CSAD: variants seen among roughly 807,000 people sequenced by gnomAD.
CSAD encodes the protein cysteine sulfinic acid decarboxylase, also known as P-selectin cytoplasmic tail-associated protein.
In CSAD, 47 loss-of-function variants were observed where a neutral mutation model predicts 61.5. That is an observed-to-expected ratio of 0.76 (90% CI 0.60 to 0.97). CSAD has a LOEUF of 0.97. Among genes scored for constraint, CSAD ranks in the 50% least tolerant of loss-of-function variants. The pLI is 0.00. For missense variants in CSAD, 611 were observed against 643.6 expected (o/e 0.95, Z 0.55); for synonymous variants, 245 against 252.7 (o/e 0.97, Z 0.29).
rs758691279 is a variant in CSAD, at chr12:53,158,576, CAG to C, written c.1415_1416del (p.Ser472CysfsTer6). 1.2e-6 allele frequency: 2 copies of C among 1,613,288 alleles called. No homozygotes were observed. The highest frequency in any genetic ancestry group is 1.7e-5 in the Admixed American group (1 of 59,940). On this transcript the variant is annotated frameshift_variant, in exon 17 of 17. Coordinates refer to ENST00000444623, the MANE Select transcript of CSAD (RefSeq NM_001244705.2). LOFTEE classifies it high-confidence loss of function. ...AAGTCCATATCAGCACAGGTCAGTGCAGAGTTGGCCACAACCACACGGAAGAA... is the reference window on the plus strand; with the variant it reads ...AAGTCCATATCAGCACAGGTCAGTGCAGTTGGCCACAACCACACGGAAGAA... ...GNFFRVVVAN[S>X]ALTCADMDFL...
intron 10 of CSAD, among the ~76,000 whole-genome samples, chr12:53,166,507 A>C (rs1939961962): frequency 6.6e-6 from 1 of 152,102 alleles, no homozygotes; most frequent in Non-Finnish European, 1.5e-5. Context: ...TATAAAATGA[A>C]AAGAGTTCTG....
At chr12:53,159,295 C>A (rs1938954555) in intron 16 of CSAD, among the ~76,000 whole-genome samples, 1 of 152,170 alleles carries the variant, frequency 6.6e-6, no homozygotes, top group South Asian at 2.1e-4. Context: ...TTGCTGTGTC[C>A]CTAGCACGGG....
rs200010721 is a variant in CSAD, at chr12:53,171,849, G to C, written c.451+33C>G. The C allele has an allele frequency of 7.8e-6, 11 of 1,405,798 alleles. No individual in the cohort carries two copies. The East Asian group carries it at 2.5e-4, about 32-fold the overall frequency. 87.1% of individuals were successfully genotyped at this position (1,405,798 alleles called of 1,614,324 possible). On this transcript the variant is annotated intron_variant, in intron 7 of 16. Coordinates refer to ENST00000444623, the MANE Select transcript of CSAD (RefSeq NM_001244705.2). ...GTGGGGGAGGAGGAACTCATAAAAA[G>C]GGCAAAGAAAGGTCCTCCTCCTTCT...
chr12:53,172,939 A>G (rs1372957743), intron 4 of CSAD, among the ~76,000 whole-genome samples: 3 of 152,158 alleles, frequency 2.0e-5, no homozygotes, highest in African/African-American at 4.8e-5. Context: ...CAGGCGTGGT[A>G]GCTCACGCCT....
rs145080724 is a variant in CSAD at position 53,165,387 on chromosome 12, G to A, written c.703-3998C>T. 5.1e-3 allele frequency among the ~76,000 whole-genome samples: 767 copies of A among 150,594 alleles called. 2 individuals carry two copies. The highest frequency in any genetic ancestry group is 0.016 in the African/African-American group (647 of 40,964). On this transcript the variant is annotated intron_variant, in intron 10 of 16. Coordinates refer to ENST00000444623, the MANE Select transcript of CSAD (RefSeq NM_001244705.2). ...AGAAAATAACAAGCGTTGGCCAGGC[G>A]CGGTGGCTCACGCCTGTGATCCCAG...
chr12:53,176,335 G>A (rs183237278), intron 2 of CSAD, among the ~76,000 whole-genome samples: 226 of 152,196 alleles, frequency 1.5e-3, no homozygotes, highest in African/African-American at 5.0e-3. Context: ...GCTTGAACCC[G>A]GGAGGCAGAG....
intron 16 of CSAD, among the ~76,000 whole-genome samples, chr12:53,159,154 C>T (rs942287644): frequency 6.6e-6 from 1 of 152,148 alleles, no homozygotes; most frequent in African/African-American, 2.4e-5. Flanking sequence ...CTTATAATAA[C>T]AACTCCATAA....
rs2121513317 is a variant in CSAD, at chr12:53,171,996, G to A, written c.345-8C>T. The stretch of plus-strand genomic sequence containing the variant: ...GCGATTTCATATGTGTACCTGCCAG[G>A]AGAGAGAACGACGAGAAAGGAGAGA... On this transcript the variant is annotated splice_region_variant and splice_polypyrimidine_tract_variant and intron_variant, in intron 6 of 16. Transcript: ENST00000444623. 1 of 1,600,088 alleles carries A rather than the reference G, an allele frequency of 6.2e-7. No homozygotes were observed. Among genetic ancestry groups the A allele is most frequent in the Non-Finnish European group, 8.6e-7 (1 of 1,167,596 alleles).
Position 53,158,626 on chromosome 12 carries a change from T to C in CSAD, c.1367A>G (p.Gln456Arg). 6.2e-7 allele frequency: 1 copy of C among 1,614,206 alleles called. No homozygotes were observed. The highest frequency in any genetic ancestry group is 8.5e-7 in the Non-Finnish European group (1 of 1,180,032). The part of the protein sequence containing the change: ...VKEGSMMIGY[Q>R]PHGTRGNFFR... The stretch of plus-strand genomic sequence containing the variant: ...GAAGTTGCCCCGGGTCCCGTGGGGC[T>C]GGTAGCCAATCATCATGGAGCCCTC... The change falls in exon 17 of 17, where the codon CAG becomes CGG. Residue 456 changes from glutamine to arginine, a missense_variant. By Grantham distance (43) the Gln-to-Arg change is conservative. Transcript: ENST00000444623.
chr12:53,179,715 GT>G (rs11401485), intron 1 of CSAD: 225 of 1,233,252 alleles, frequency 1.8e-4, no homozygotes, highest in Non-Finnish European at 2.2e-4. Flanking sequence ...TCATCATACA[GT>G]TTTTTTTTTC....
intron 2 of CSAD, among the ~76,000 whole-genome samples, chr12:53,177,624 T>TATTTATTA (rs71095995): frequency 6.1e-5 from 8 of 131,776 alleles, no homozygotes; most frequent in African/African-American, 8.2e-5. Flanking sequence ...GAGACCCATC[T>TATTTATTA]ATTTATTTAT....
At chr12:53,160,354 C>A in intron 13 of CSAD, 35 bp from the exon 14 acceptor site, 1 of 1,601,782 alleles carries the variant, frequency 6.2e-7, no homozygotes, top group South Asian at 1.1e-5. Context: ...AGACCCTACC[C>A]TCTCCACCGA....
At position 53,158,697 on chromosome 12, in the gene CSAD, GGA is replaced by G; in HGVS notation, c.1309-15_1309-14del. On this transcript the variant is annotated splice_polypyrimidine_tract_variant and intron_variant, in intron 16 of 16. Transcript: ENST00000444623. ...GCACGGGGGCCACCTGTGGAAGGGTGGAGAGAGATTCCAGCTGCAGCCTGGGT... is the reference window on the plus strand; with the variant it reads ...GCACGGGGGCCACCTGTGGAAGGGTGGAGAGATTCCAGCTGCAGCCTGGGT... The G allele has an allele frequency of 1.2e-6, 2 of 1,611,228 alleles. No homozygotes were observed. Among genetic ancestry groups the G allele is most frequent in the Non-Finnish European group, 1.7e-6 (2 of 1,178,094 alleles).
At chr12:53,164,969 C>T (rs1939723063) in intron 10 of CSAD, among the ~76,000 whole-genome samples, 1 of 152,078 alleles carries the variant, frequency 6.6e-6, no homozygotes, top group Non-Finnish European at 1.5e-5. Flanking sequence ...TAGGGAAATA[C>T]AAATCAAAAC....
chr12:53,169,667 T>C (rs1940325556), intron 10 of CSAD, among the ~76,000 whole-genome samples: 1 of 152,080 alleles, frequency 6.6e-6, no homozygotes, highest in Non-Finnish European at 1.5e-5. Context: ...AGCAGTTACA[T>C]ACCCCTCGAA....
chr12:53,160,076 C>T (rs760394806), intron 14 of CSAD, 44 bp downstream of exon 14: 1 of 1,608,712 alleles, frequency 6.2e-7, no homozygotes, highest in Non-Finnish European at 8.5e-7. Context: ...GGCATGGACC[C>T]AGGAGAGGGG....
Position 53,158,400 on chromosome 12 carries a change from T to C in CSAD, c.*111A>G. On this transcript the variant is annotated 3_prime_UTR_variant, in exon 17 of 17. Transcript: ENST00000444623. ...ATCCACCCGCCTCGGCCTCCCAAAGTGCTGGGATTACAGGCGTGAGCCACT... is the reference window on the plus strand; with the variant it reads ...ATCCACCCGCCTCGGCCTCCCAAAGCGCTGGGATTACAGGCGTGAGCCACT... The C allele has an allele frequency of 6.9e-6, 8 of 1,152,564 alleles. No individual in the cohort carries two copies. In the South Asian group the frequency reaches 1.2e-4, roughly 17 times the overall value. The allele number at this position is 1,152,564 out of a possible 1,614,324, so 71.4% of individuals were successfully genotyped here.
At chr12:53,176,121 G>A (rs1298022598) in intron 2 of CSAD, among the ~76,000 whole-genome samples, 1 of 151,952 alleles carries the variant, frequency 6.6e-6, no homozygotes, top group African/African-American at 2.4e-5. Context: ...GGGGTGAGGG[G>A]CGGGCACAGT....
At chr12:53,181,181 G>T (rs1175314235), upstream of CSAD, 42 of 985,366 alleles carry the variant, frequency 4.3e-5, no homozygotes, top group East Asian at 1.1e-4. Context: ...ACGCCGCGCC[G>T]GGCTTCGCCT....
Sources: gnomAD v4.1 joint callset for allele counts (sites outside exome capture counted in the v4.1 genomes callset) on GRCh38, gnomAD v4.1.1 for gene constraint, MANE v1.5 for transcripts, NCBI Gene and HGNC (gene_info 2026-07-23, HGNC 2026-07-21) for gene names.